NDUFAF2: variants seen among roughly 807,000 people sequenced by gnomAD.
The protein encoded by NDUFAF2 is NADH:ubiquinone oxidoreductase complex assembly factor 2, also known as NADH dehydrogenase [ubiquinone] 1 alpha subcomplex assembly factor 2.
Under a neutral mutation model 22.8 loss-of-function variants are expected in NDUFAF2, and 13 were observed. The observed-to-expected ratio is 0.57, with a 90% confidence interval of 0.37 to 0.91. The LOEUF is 0.91. Ranked by LOEUF, NDUFAF2 falls within the 40% of genes least tolerant of loss-of-function variation. The pLI, the probability that NDUFAF2 is intolerant of heterozygous loss-of-function variation, is 0.01. For synonymous variants in NDUFAF2, 53 were observed against 64.2 expected, an observed-to-expected ratio of 0.83 and a Z score of 0.84; for missense variants, 162 against 195.2, an observed-to-expected ratio of 0.83 and a Z score of 1.01.
chr5:61,017,898 C>T (rs1033802746), intron 1 of NDUFAF2, among the ~76,000 whole-genome samples: 4 of 152,020 alleles, frequency 2.6e-5, no homozygotes, highest in Admixed American at 6.6e-5. Context: ...GACAGGCATG[C>T]GTCACCACAC....
At chr5:61,075,109 C>T (rs980214070) in intron 2 of NDUFAF2, among the ~76,000 whole-genome samples, 1 of 152,052 alleles carries the variant, frequency 6.6e-6, no homozygotes, top group East Asian at 1.9e-4. Context: ...AACCATATCA[C>T]CCATTTAATA....
chr5:61,040,286 A>ACACACACACACGCGCGCGCGCGCGCGCG (rs1491193758), intron 1 of NDUFAF2, among the ~76,000 whole-genome samples: 3 of 93,074 alleles, frequency 3.2e-5, no homozygotes, highest in Admixed American at 1.0e-4. Context: ...ACACACACAC[A>ACACACACACACGCGCGCGCGCGCGCGCG]CGCGCGCGCG....
At chr5:60,955,843 T>C (rs1750608189) in intron 1 of NDUFAF2, among the ~76,000 whole-genome samples, 1 of 152,056 alleles carries the variant, frequency 6.6e-6, no homozygotes, top group African/African-American at 2.4e-5. Context: ...TGTAAGTAGG[T>C]TGTTTTCTTA....
chr5:61,022,718 C>G (rs1040929464), intron 1 of NDUFAF2, among the ~76,000 whole-genome samples: 4 of 152,196 alleles, frequency 2.6e-5, no homozygotes, highest in African/African-American at 9.7e-5. Context: ...GATCTCAGCT[C>G]ACTGCAACCT....
chr5:61,119,849 TGA>T (rs1752955234), intron 3 of NDUFAF2, among the ~76,000 whole-genome samples: 1 of 152,214 alleles, frequency 6.6e-6, no homozygotes, highest in Non-Finnish European at 1.5e-5. Flanking sequence ...GCCAATACTA[TGA>T]TCTTACTTGA....
rs558299062 is a variant in NDUFAF2, at chr5:61,113,678, C to T, written c.258+14646C>T. Among the ~76,000 whole-genome samples the T allele has an allele frequency of 1.0e-3, 158 of 152,238 alleles. 1 individual carries two copies. The highest frequency in any genetic ancestry group is 3.4e-3 in the Middle Eastern group (1 of 294). On this transcript the variant is annotated intron_variant, in intron 3 of 3. Coordinates refer to ENST00000296597, the MANE Select transcript of NDUFAF2 (RefSeq NM_174889.5). ...AGAAGGACATGTTTGCTTCCCCTTC[C>T]GGCATGATTGTAAGTTTTCTGAGGC...
chr5:61,146,227 G>A (rs1200584311), intron 3 of NDUFAF2: 1 of 152,200 alleles, frequency 6.6e-6, no homozygotes, highest in Non-Finnish European at 1.5e-5. Flanking sequence ...ATCCGTATTG[G>A]TATTTTCAAT....
intron 3 of NDUFAF2, among the ~76,000 whole-genome samples, chr5:61,112,241 GTCTC>G (rs1752854025): frequency 1.5e-5 from 2 of 134,134 alleles, no homozygotes; most frequent in African/African-American, 5.5e-5. Flanking sequence ...TTGAGACAGA[GTCTC>G]TCTCTGTCAC....
chr5:61,040,302 G>GCGCGC (rs1491236283), intron 1 of NDUFAF2, among the ~76,000 whole-genome samples: 10 of 146,366 alleles, frequency 6.8e-5, no homozygotes, highest in African/African-American at 2.5e-4. Flanking sequence ...GCGCGCGCGC[G>GCGCGC]AAAGTTGAAA....
chr5:61,063,406 G>A (rs567175055), intron 1 of NDUFAF2, among the ~76,000 whole-genome samples: 9 of 152,120 alleles, frequency 5.9e-5, no homozygotes, highest in Non-Finnish European at 2.9e-5. Flanking sequence ...GGCTGAGGCA[G>A]GAGGATCATT....
intron 1 of NDUFAF2, among the ~76,000 whole-genome samples, chr5:61,056,404 A>G (rs1437342644): frequency 6.6e-6 from 1 of 152,228 alleles, no homozygotes; most frequent in Non-Finnish European, 1.5e-5. Flanking sequence ...CTTCACAAGC[A>G]AAATGGAATC....
At chr5:61,113,816 GTT>G (rs34763275) in intron 3 of NDUFAF2, among the ~76,000 whole-genome samples, 1,502 of 150,200 alleles carry the variant, frequency 0.01, 22 homozygotes, top group African/African-American at 0.034. Flanking sequence ...TAGGATTAAA[GTT>G]TTTTTTTTTC....
chr5:61,084,227 GATT>G (rs919776300), intron 2 of NDUFAF2, among the ~76,000 whole-genome samples: 20 of 89,416 alleles, frequency 2.2e-4, no homozygotes, highest in Middle Eastern at 6.3e-3. Context: ...TTATTTTTAT[GATT>G]ATTTTTTTTC....
chr5:61,065,356 G>T (rs1054826948), intron 1 of NDUFAF2, among the ~76,000 whole-genome samples: 3 of 151,972 alleles, frequency 2.0e-5, no homozygotes, highest in Non-Finnish European at 4.4e-5. Flanking sequence ...ATTTTATGAG[G>T]TCAGCATTAC....
chr5:60,985,992 A>C (rs539931064), intron 1 of NDUFAF2, among the ~76,000 whole-genome samples: 88 of 152,362 alleles, frequency 5.8e-4, no homozygotes, highest in African/African-American at 2.0e-3. Flanking sequence ...AAGACAGGCA[A>C]CAACACACTG....
intron 1 of NDUFAF2, among the ~76,000 whole-genome samples, chr5:60,995,608 A>G (rs895192955): frequency 3.3e-5 from 5 of 152,210 alleles, no homozygotes; most frequent in African/African-American, 1.2e-4. Flanking sequence ...CATGAACACT[A>G]TGACTACACT....
intron 1 of NDUFAF2, among the ~76,000 whole-genome samples, chr5:61,042,134 T>C (rs556297033): frequency 2.6e-5 from 4 of 152,334 alleles, no homozygotes; most frequent in Non-Finnish European, 5.9e-5. Flanking sequence ...GTAACTTTGA[T>C]AGCACTGTTT....
chr5:61,008,150 T>G (rs1219698894), intron 1 of NDUFAF2, among the ~76,000 whole-genome samples: 1 of 93,794 alleles, frequency 1.1e-5, no homozygotes, highest in African/African-American at 4.4e-5. Flanking sequence ...TGGGGACTGT[T>G]GTGGGGTGGG....
At chr5:61,013,357 T>C (rs1029578754) in intron 1 of NDUFAF2, among the ~76,000 whole-genome samples, 1 of 152,122 alleles carries the variant, frequency 6.6e-6, no homozygotes, top group Non-Finnish European at 1.5e-5. Flanking sequence ...TAATGTCTTT[T>C]GTTCAAAGGT....
Sources: allele counts gnomAD v4.1 joint callset (sites outside exome capture counted in the v4.1 genomes callset), GRCh38; gene constraint gnomAD v4.1.1; transcripts MANE v1.5; gene names NCBI Gene and HGNC (gene_info 2026-07-23, HGNC 2026-07-21).